Variants in CHODL observed in about 807,000 individuals in gnomAD.
The protein encoded by CHODL is chondrolectin.
A neutral mutation model predicts 34.5 loss-of-function variants in CHODL; 29 were observed. The observed-to-expected ratio is 0.84, with a 90% CI of 0.63 to 1.15. The LOEUF is 1.15. Ranked by LOEUF, CHODL falls within the 50% of genes most tolerant of loss-of-function variation. The probability of loss-of-function intolerance (pLI) is 0.00; values close to 1 mark genes in which losing one functional copy is unlikely to be tolerated. For missense variants in CHODL, 332 were observed against 332.5 expected (o/e 1.00, Z 0.01); for synonymous variants, 125 against 116.1 (o/e 1.08, Z -0.49).
At chr21:18,217,408 C>G (rs1568941344) in intron 2 of CHODL, among the ~76,000 whole-genome samples, 2 of 151,988 alleles carry the variant, frequency 1.3e-5, no homozygotes, top group African/African-American at 4.8e-5. Flanking sequence ...AAGTGCCAAG[C>G]AAAAGGGGGA....
chr21:18,062,929 T>A (rs946002782), intron 2 of CHODL, among the ~76,000 whole-genome samples: 6 of 152,146 alleles, frequency 3.9e-5, no homozygotes, highest in East Asian at 1.9e-4. Context: ...GAGCCTTTTT[T>A]AAAAAACCAT....
intron 2 of CHODL, among the ~76,000 whole-genome samples, chr21:18,128,747 G>A (rs1471711971): frequency 1.3e-5 from 2 of 151,932 alleles, no homozygotes; most frequent in Non-Finnish European, 2.9e-5. Flanking sequence ...TCTCCGTTTT[G>A]GTTTCTGTTC....
chr21:18,117,686 A>G (rs1233169897), intron 2 of CHODL, among the ~76,000 whole-genome samples: 1 of 151,162 alleles, frequency 6.6e-6, no homozygotes. Context: ...ACTTTAATTA[A>G]ATAAGAATAA....
intron 1 of CHODL, among the ~76,000 whole-genome samples, chr21:17,992,718 G>GTTTTTTTTTT (rs869044440): frequency 1.7e-5 from 1 of 57,222 alleles, no homozygotes; most frequent in Non-Finnish European, 3.2e-5. Flanking sequence ...TGGTGGAGTT[G>GTTTTTTTTTT]TTTTTTTTTT....
chr21:18,224,493 T>G (rs1370317881), intron 2 of CHODL, among the ~76,000 whole-genome samples: 1 of 152,158 alleles, frequency 6.6e-6, no homozygotes, highest in Non-Finnish European at 1.5e-5. Flanking sequence ...AGTTCCCTCA[T>G]TATTATTGTT....
chr21:18,111,180 G>A (rs1023483784), intron 2 of CHODL, among the ~76,000 whole-genome samples: 4 of 152,138 alleles, frequency 2.6e-5, no homozygotes, highest in African/African-American at 9.7e-5. Context: ...AGATTCTTCA[G>A]AGTGACTAAT....
At chr21:18,106,656 G>C (rs531352821) in intron 2 of CHODL, among the ~76,000 whole-genome samples, 1 of 151,854 alleles carries the variant, frequency 6.6e-6, no homozygotes, top group East Asian at 1.9e-4. Flanking sequence ...CACCACACCT[G>C]GCCAATTTTT....
intron 2 of CHODL, among the ~76,000 whole-genome samples, chr21:18,029,479 A>C (rs188280846): frequency 8.5e-4 from 129 of 152,322 alleles, no homozygotes; most frequent in African/African-American, 2.5e-3. Context: ...AAACATTTTG[A>C]AACTTTGATC....
upstream of CHODL, among the ~76,000 whole-genome samples, chr21:18,244,658 A>G (rs1035371966): frequency 6.6e-6 from 1 of 152,088 alleles, no homozygotes; most frequent in African/African-American, 2.4e-5. Context: ...GGAGGAGGGG[A>G]CCAGAGGAGG....
chr21:18,039,073 TC>T (rs1444008594), intron 2 of CHODL, among the ~76,000 whole-genome samples: 1 of 151,648 alleles, frequency 6.6e-6, no homozygotes, highest in Non-Finnish European at 1.5e-5. Flanking sequence ...TTTCATTCCA[TC>T]CCATTTTGGG....
In CHODL at chr21:18,209,573, C is replaced by T. The variant is rs145237466; in HGVS notation, c.-44-46936C>T. Among the ~76,000 whole-genome samples the T allele has an allele frequency of 6.6e-5, 10 of 152,284 alleles. No homozygotes were observed. In the East Asian group the frequency reaches 9.7e-4, roughly 15 times the overall value. ...GACAAAGTTTCCTTTACTCTTTCCA[C>T]TCCTTTTCTCAAGCTGAAGGACACT... On this transcript the variant is annotated intron_variant, in intron 2 of 6. Transcript: ENST00000400127.
At chr21:18,146,509 C>G (rs1252928408) in intron 2 of CHODL, among the ~76,000 whole-genome samples, 1 of 151,998 alleles carries the variant, frequency 6.6e-6, no homozygotes, top group Non-Finnish European at 1.5e-5. Context: ...GGCCTCTGAC[C>G]CCTTTGCTCA....
At chr21:18,176,138 C>A (rs536641333) in intron 2 of CHODL, among the ~76,000 whole-genome samples, 1 of 152,030 alleles carries the variant, frequency 6.6e-6, no homozygotes, top group South Asian at 2.1e-4. Flanking sequence ...ACCTAAGGAA[C>A]AAGTTTATAA....
chr21:17,995,526 C>T (rs185317087), intron 1 of CHODL, among the ~76,000 whole-genome samples: 3 of 152,318 alleles, frequency 2.0e-5, no homozygotes, highest in Admixed American at 2.0e-4. Flanking sequence ...GTGCTCTATT[C>T]AGCATGTGGT....
At chr21:18,235,333 A>G (rs1467969976) in intron 2 of CHODL, among the ~76,000 whole-genome samples, 2 of 152,068 alleles carry the variant, frequency 1.3e-5, no homozygotes, top group Non-Finnish European at 2.9e-5. Context: ...CTAATTTTGT[A>G]CTAGATTTTC....
intron 2 of CHODL, among the ~76,000 whole-genome samples, chr21:18,125,120 G>A (rs986848606): frequency 6.6e-6 from 1 of 152,184 alleles, no homozygotes; most frequent in East Asian, 1.9e-4. Flanking sequence ...AGCCAGGTGT[G>A]TCTGATCTCC....
intron 2 of CHODL, among the ~76,000 whole-genome samples, chr21:18,208,552 T>C (rs2073738632): frequency 6.6e-6 from 1 of 152,168 alleles, no homozygotes. Flanking sequence ...TGAATGTTTG[T>C]CGGTGTCTTT....
At chr21:18,074,900 C>G (rs1039901022) in intron 2 of CHODL, among the ~76,000 whole-genome samples, 1 of 152,016 alleles carries the variant, frequency 6.6e-6, no homozygotes, top group Non-Finnish European at 1.5e-5. Context: ...TTTGCAGGGA[C>G]AATGACTAAG....
At chr21:18,032,407 G>C (rs1434220414) in intron 2 of CHODL, among the ~76,000 whole-genome samples, 3 of 151,970 alleles carry the variant, frequency 2.0e-5, no homozygotes, top group Non-Finnish European at 4.4e-5. Flanking sequence ...ATACAATAAA[G>C]TTCTGAAGGG....
Sources: gnomAD v4.1 joint callset for allele counts (sites outside exome capture counted in the v4.1 genomes callset) on GRCh38, gnomAD v4.1.1 for gene constraint, MANE v1.5 for transcripts, NCBI Gene and HGNC (gene_info 2026-07-23, HGNC 2026-07-21) for gene names.